Variants in NCKAP5 observed in about 807,000 individuals in gnomAD.
NCKAP5 encodes the protein NCK associated protein 5, also known as nck-associated protein 5.
NCKAP5 carries 92 observed loss-of-function variants against 167.0 expected under a neutral mutation model. That is an observed-to-expected ratio of 0.55 (90% CI 0.47 to 0.66). The LOEUF (loss-of-function observed/expected upper bound fraction) is 0.66. NCKAP5 is among the 30% of genes least tolerant of loss of function. NCKAP5 has a pLI of 0.00. For synonymous variants in NCKAP5, 891 were observed against 877.4 expected (o/e 1.02, Z -0.27); for missense variants, 2,378 against 2,315.0 (o/e 1.03, Z -0.56).
intron 8 of NCKAP5, among the ~76,000 whole-genome samples, chr2:132,950,730 C>T (rs1422187275): frequency 6.6e-6 from 1 of 152,142 alleles, no homozygotes. Flanking sequence ...CCTGCAGTTG[C>T]TTCTCATTTT....
chr2:133,108,401 T>C (rs2081791987), intron 6 of NCKAP5, among the ~76,000 whole-genome samples: 1 of 152,146 alleles, frequency 6.6e-6, no homozygotes, highest in Non-Finnish European at 1.5e-5. Context: ...ACCATGCTCC[T>C]ACATCTCCTT....
intron 3 of NCKAP5, among the ~76,000 whole-genome samples, chr2:133,397,733 GT>G (rs1687821710): frequency 6.6e-6 from 1 of 152,178 alleles, no homozygotes; most frequent in Non-Finnish European, 1.5e-5. Flanking sequence ...TTGTAGGTCT[GT>G]TTTAATATAA....
At chr2:133,132,918 T>C (rs1473089734) in intron 5 of NCKAP5, among the ~76,000 whole-genome samples, 1 of 152,072 alleles carries the variant, frequency 6.6e-6, no homozygotes, top group Non-Finnish European at 1.5e-5. Context: ...CCTTGTGATC[T>C]GCCCGCCTCA....
the NCKAP5 span, among the ~76,000 whole-genome samples, chr2:133,574,515 T>C: frequency 6.6e-6 from 1 of 152,144 alleles, no homozygotes; most frequent in Non-Finnish European, 1.5e-5. Flanking sequence ...AGAAAGCTTT[T>C]TAGTTAAAAC....
chr2:133,456,400 C>T (rs937431488), intron 3 of NCKAP5, among the ~76,000 whole-genome samples: 2 of 152,118 alleles, frequency 1.3e-5, no homozygotes, highest in Non-Finnish European at 2.9e-5. Context: ...GCTAGCTGCA[C>T]TCTGCATCAG....
chr2:133,518,754 C>A (rs1684239121), intron 2 of NCKAP5, among the ~76,000 whole-genome samples: 1 of 152,082 alleles, frequency 6.6e-6, no homozygotes, highest in Non-Finnish European at 1.5e-5. Context: ...TGATAGCAAT[C>A]AAATGATGTA....
intron 9 of NCKAP5, among the ~76,000 whole-genome samples, chr2:132,872,579 A>G (rs1240728612): frequency 6.6e-6 from 1 of 152,204 alleles, no homozygotes; most frequent in Admixed American, 6.5e-5. Context: ...TGGAGGGTGG[A>G]GAAGCTTCAG....
chr2:133,493,739 GT>G (rs1180544290), intron 3 of NCKAP5, among the ~76,000 whole-genome samples: 2 of 152,208 alleles, frequency 1.3e-5, no homozygotes, highest in Non-Finnish European at 2.9e-5. Flanking sequence ...TAAAGCTAAT[GT>G]TTCCATTTGC....
At chr2:132,688,122 C>A (rs1196060594) in intron 19 of NCKAP5, among the ~76,000 whole-genome samples, 3 of 151,974 alleles carry the variant, frequency 2.0e-5, no homozygotes, top group South Asian at 4.1e-4. Flanking sequence ...AGAAATATAC[C>A]ATTTTATAAT....
intron 11 of NCKAP5, among the ~76,000 whole-genome samples, chr2:132,846,931 G>A (rs565924656): frequency 3.3e-5 from 5 of 150,552 alleles, no homozygotes; most frequent in African/African-American, 1.2e-4. Flanking sequence ...TCCAGAGAAT[G>A]ATTTGTGTAT....
At position 133,340,680 on chromosome 2, in the gene NCKAP5, C is replaced by A. The variant is rs11898538; in HGVS notation, c.70-37570G>T. Among the ~76,000 whole-genome samples the A allele has an allele frequency of 9.5e-3, 1,448 of 152,228 alleles. 26 individuals carry two copies. The highest frequency in any genetic ancestry group is 0.031 in the African/African-American group (1,276 of 41,538). The stretch of plus-strand genomic sequence containing the variant: ...TGCCCTATAACAATAATCCTTGATG[C>A]ACCTAACTTGGGTGGCATTAAATAA... On this transcript the variant is annotated intron_variant, in intron 3 of 19. Coordinates refer to ENST00000409261, the MANE Select transcript of NCKAP5 (RefSeq NM_207363.3).
intron 8 of NCKAP5, among the ~76,000 whole-genome samples, chr2:132,896,508 A>G (rs1693222670): frequency 6.6e-6 from 1 of 152,188 alleles, no homozygotes; most frequent in Non-Finnish European, 1.5e-5. Flanking sequence ...ATAAGGGTTG[A>G]GGGGAACTGA....
intron 4 of NCKAP5, among the ~76,000 whole-genome samples, chr2:133,241,287 T>A (rs1301106155): frequency 6.6e-6 from 1 of 152,224 alleles, no homozygotes; most frequent in East Asian, 1.9e-4. Context: ...GTGTTGCTCA[T>A]CAGTAATAAA....
intron 5 of NCKAP5, among the ~76,000 whole-genome samples, chr2:133,135,081 A>T (rs376382015): frequency 2.0e-5 from 3 of 152,220 alleles, no homozygotes; most frequent in African/African-American, 7.2e-5. Context: ...TTACAGACTA[A>T]TGGAGAGGGC....
intron 4 of NCKAP5, among the ~76,000 whole-genome samples, chr2:133,292,180 G>A (rs1679645676): frequency 6.6e-6 from 1 of 151,882 alleles, no homozygotes; most frequent in Non-Finnish European, 1.5e-5. Flanking sequence ...TATCCTAACG[G>A]TACCTTTTTA....
At chr2:132,811,696 C>T (rs568878175) in intron 11 of NCKAP5, among the ~76,000 whole-genome samples, 2 of 152,118 alleles carry the variant, frequency 1.3e-5, no homozygotes, top group Non-Finnish European at 1.5e-5. Flanking sequence ...GGCTACCCAC[C>T]ACCCAGCTGA....
At chr2:133,580,301 G>A in the NCKAP5 span, among the ~76,000 whole-genome samples, 1 of 152,166 alleles carries the variant, frequency 6.6e-6, no homozygotes, top group Non-Finnish European at 1.5e-5. Context: ...AAAATCCTAT[G>A]TTGCAAATTA....
chr2:132,851,554 G>A (rs1030639458), intron 11 of NCKAP5, among the ~76,000 whole-genome samples: 3 of 152,136 alleles, frequency 2.0e-5, no homozygotes, highest in African/African-American at 4.8e-5. Flanking sequence ...CGGGCTGCAC[G>A]GGGCTTCAGT....
At chr2:132,762,492 A>T (rs79374674) in intron 16 of NCKAP5, among the ~76,000 whole-genome samples, 2 of 152,132 alleles carry the variant, frequency 1.3e-5, no homozygotes, top group African/African-American at 4.8e-5. Context: ...AGTTTCCCCA[A>T]CTTTGTACTT....
Sources: gnomAD v4.1 joint callset for allele counts (sites outside exome capture counted in the v4.1 genomes callset) on GRCh38, gnomAD v4.1.1 for gene constraint, MANE v1.5 for transcripts, NCBI Gene and HGNC (gene_info 2026-07-23, HGNC 2026-07-21) for gene names.